Variants in ARHGEF6 observed in about 807,000 individuals in gnomAD.
ARHGEF6 encodes rho guanine nucleotide exchange factor 6.
A neutral mutation model predicts 70.3 loss-of-function variants in ARHGEF6; 9 were observed. The ratio of observed to expected loss-of-function variants is 0.13; its 90% CI spans 0.08 to 0.22. The LOEUF (loss-of-function observed/expected upper bound fraction) is 0.22, where lower values mean the gene tolerates loss of function less well. ARHGEF6 is among the 10% of genes least tolerant of loss of function. The pLI, the probability that ARHGEF6 is intolerant of heterozygous loss-of-function variation, is 1.00. For missense variants in ARHGEF6, 470 were observed against 563.0 expected (o/e 0.83, Z 1.67); for synonymous variants, 201 against 207.8 (o/e 0.97, Z 0.28).
At chrX:136,705,269 G>A (rs780268339) in intron 9 of ARHGEF6, among the ~76,000 whole-genome samples, 3 of 107,086 alleles carry the variant, frequency 2.8e-5, no homozygotes, top group Non-Finnish European at 5.8e-5. Flanking sequence ...CTCCAGCCTC[G>A]GTGACAGAGC....
chrX:136,736,650 T>TGTGTGTGTGTGTG (rs2076988707), intron 5 of ARHGEF6, among the ~76,000 whole-genome samples: 1 of 110,894 alleles, frequency 9.0e-6, no homozygotes, highest in African/African-American at 3.3e-5. Context: ...TGTGTGTGTG[T>TGTGTGTGTGTGTG]TTCACACTCA....
rs771347829 is a variant in ARHGEF6, at chrX:136,745,396, A to C, written c.335-49T>G. 1.2e-5 allele frequency: 14 copies of C among 1,185,980 alleles called. No individual in the cohort carries two copies. In the African/African-American group the frequency reaches 2.3e-4, roughly 19 times the overall value. On this transcript the variant is annotated intron_variant, in intron 3 of 21. Transcript: ENST00000250617. Reference sequence around the variant, plus strand: ...TTAAAGGAACCACTCAGATCAGAAAAACATCTACCGCATAACATTATCTTT... The same window carrying C: ...TTAAAGGAACCACTCAGATCAGAAACACATCTACCGCATAACATTATCTTT...
intron 7 of ARHGEF6, 30 bp from the exon 8 acceptor site, chrX:136,708,800 T>C (rs373519731): frequency 1.9e-6 from 2 of 1,041,863 alleles, no homozygotes; most frequent in African/African-American, 3.7e-5. Context: ...CATGTAGTTA[T>C]CTATTGTAGT....
intron 2 of ARHGEF6, among the ~76,000 whole-genome samples, chrX:136,763,289 G>A (rs969518685): frequency 5.4e-5 from 6 of 111,943 alleles, no homozygotes; most frequent in African/African-American, 2.0e-4. Flanking sequence ...CAGTTTCAGG[G>A]TGAGCAACCA....
At chrX:136,743,908 C>A in intron 4 of ARHGEF6, 122 bp from the exon 5 acceptor site, 1 of 643,026 alleles carries the variant, frequency 1.6e-6, no homozygotes, top group Non-Finnish European at 2.5e-6. Flanking sequence ...CCATCTCAGT[C>A]CTGAGTTTTT....
chrX:136,738,803 T>A (rs1305749289), intron 5 of ARHGEF6, among the ~76,000 whole-genome samples: 1 of 112,469 alleles, frequency 8.9e-6, no homozygotes, highest in Non-Finnish European at 1.9e-5. Flanking sequence ...ATTGTTCTCA[T>A]CTGTTCCCTT....
At chrX:136,679,992 G>T (rs747874117) in intron 15 of ARHGEF6, among the ~76,000 whole-genome samples, 1 of 112,254 alleles carries the variant, frequency 8.9e-6, no homozygotes, top group Admixed American at 9.4e-5. Flanking sequence ...TGGCACTCTA[G>T]TAGGTGCTTA....
chrX:136,759,759 T>A (rs1284780027), intron 2 of ARHGEF6, among the ~76,000 whole-genome samples: 1 of 112,232 alleles, frequency 8.9e-6, no homozygotes, highest in East Asian at 2.8e-4. Flanking sequence ...CTGCTGCATT[T>A]TATCTCACCT....
chrX:136,758,568 G>C (rs2077234599), intron 2 of ARHGEF6, among the ~76,000 whole-genome samples: 1 of 110,521 alleles, frequency 9.0e-6, no homozygotes, highest in African/African-American at 3.3e-5. Context: ...TGGAAAAGTA[G>C]AAAAAGGCTT....
chrX:136,742,450 T>A (rs1315193176), intron 5 of ARHGEF6, among the ~76,000 whole-genome samples: 9 of 112,329 alleles, frequency 8.0e-5, no homozygotes, highest in African/African-American at 2.9e-4. Flanking sequence ...AGCAATAAGA[T>A]ATTTACAAAA....
intron 2 of ARHGEF6, among the ~76,000 whole-genome samples, chrX:136,777,757 T>C (rs201481627): frequency 1.0e-4 from 4 of 39,573 alleles, no homozygotes; most frequent in African/African-American, 2.8e-4. Context: ...ATAATATGTA[T>C]ACATACACAC....
chrX:136,751,788 G>A (rs1031745125), intron 2 of ARHGEF6, among the ~76,000 whole-genome samples: 7 of 111,859 alleles, frequency 6.3e-5, no homozygotes, highest in African/African-American at 2.3e-4. Context: ...CCAGAACTAT[G>A]AGAAATACAC....
Position 136,780,785 on chromosome X carries a change from G to C in ARHGEF6, c.98C>G (p.Ser33Cys). 6 of 1,210,790 alleles carry C rather than the reference G, an allele frequency of 5.0e-6. No homozygotes were observed. The highest frequency in any genetic ancestry group is 6.7e-6 in the Non-Finnish European group (6 of 895,106). ...TICDPEEFLK[S>C]SLKNGVVLCK... ...CAGAACTACCCCATTTTTCAGCGAG[G>C]ACTTTAAAAACTCCTCCGGATCACA... The change falls in exon 1 of 22, where the codon TCC becomes TGC. Residue 33 changes from serine to cysteine, a missense_variant. Ser to Cys is a moderately radical substitution (Grantham distance 112, BLOSUM62 -1). This residue lies in a region of ARHGEF6 where 379 missense variants were observed against 449.3 expected (regional missense o/e 0.84). Transcript: ENST00000250617.
In ARHGEF6 at chrX:136,711,008, G is replaced by A. The variant is rs764992925; in HGVS notation, c.828-2238C>T. On this transcript the variant is annotated intron_variant, in intron 7 of 21. Transcript: ENST00000250617. ...TATTAAAAAGTAAAAAATAATAGAT[G>A]TTGGTGTGGATGTGGTGAAAAGGGA... is the stretch of plus-strand genomic sequence containing the variant. Among the ~76,000 whole-genome samples, 169 of 111,630 alleles carry A rather than the reference G, an allele frequency of 1.5e-3. 2 individuals are homozygous for A. The highest frequency in any genetic ancestry group is 5.0e-3 in the African/African-American group (155 of 30,700).
chrX:136,668,278 G>A (rs1489795191), intron 21 of ARHGEF6, 109 bp from the exon 22 acceptor site: 16 of 936,637 alleles, frequency 1.7e-5, no homozygotes, highest in Middle Eastern at 3.0e-4. Context: ...TTCTTTCCTC[G>A]ACCTTCCCTC....
intron 10 of ARHGEF6, among the ~76,000 whole-genome samples, chrX:136,690,213 T>C (rs925938577): frequency 8.9e-6 from 1 of 111,889 alleles, no homozygotes; most frequent in Non-Finnish European, 1.9e-5. Context: ...TACATTCTGA[T>C]GTTGTTTTGC....
At chrX:136,751,431 T>C (rs1256780113) in intron 2 of ARHGEF6, among the ~76,000 whole-genome samples, 4 of 112,182 alleles carry the variant, frequency 3.6e-5, no homozygotes, top group African/African-American at 9.7e-5. Context: ...CTCACTTATC[T>C]TATAGCTACT....
In ARHGEF6 at chrX:136,747,502, G is replaced by C; in HGVS notation, c.334+6C>G. On this transcript the variant is annotated splice_donor_region_variant and intron_variant, in intron 3 of 21. Transcript: ENST00000250617. ...CCAGAACATATAAATCACAAGCCCG[G>C]CTTACCTTCTGTTGCTTTGTTGACA... The C allele has an allele frequency of 8.3e-7, 1 of 1,204,766 alleles. No individual in the cohort carries two copies. Among genetic ancestry groups the C allele is most frequent in the Non-Finnish European group, 1.1e-6 (1 of 890,303 alleles).
At chrX:136,695,929 G>A (rs1185608652) in intron 9 of ARHGEF6, among the ~76,000 whole-genome samples, 1 of 111,836 alleles carries the variant, frequency 8.9e-6, no homozygotes, top group Non-Finnish European at 1.9e-5. Context: ...TTGTATGCTT[G>A]AAATATTTTA....
Sources: gnomAD v4.1 joint callset for allele counts (sites outside exome capture counted in the v4.1 genomes callset) on GRCh38, gnomAD v4.1.1 for gene constraint, gnomAD v4.1.1 regional missense constraint, MANE v1.5 for transcripts, NCBI Gene and HGNC (gene_info 2026-07-23, HGNC 2026-07-21) for gene names.